Variants in REV3L observed in about 807,000 individuals in gnomAD.
REV3L encodes REV3 like, DNA directed polymerase zeta catalytic subunit, also known as DNA polymerase zeta catalytic subunit.
Under a neutral mutation model 299.4 loss-of-function variants are expected in REV3L, and 69 were observed. The ratio of observed to expected loss-of-function variants is 0.23; its 90% CI spans 0.19 to 0.28. The LOEUF is 0.28. Among genes scored for constraint, REV3L ranks in the 10% least tolerant of loss-of-function variants. The pLI, the probability that REV3L is intolerant of heterozygous loss-of-function variation, is 1.00. For synonymous variants in REV3L, 1,238 were observed against 1,271.4 expected, an observed-to-expected ratio of 0.97 and a Z score of 0.56; for missense variants, 3,128 against 3,693.8, an observed-to-expected ratio of 0.85 and a Z score of 3.97.
chr6:111,309,718 G>A (rs1023595090), intron 30 of REV3L, 135 bp downstream of exon 30: 17 of 938,068 alleles, frequency 1.8e-5, no homozygotes, highest in East Asian at 1.1e-4. Context: ...CCCGCTTTCC[G>A]TATCATTTTA....
At chr6:111,322,510 C>G in intron 26 of REV3L, 59 bp downstream of exon 26, 1 of 1,262,670 alleles carries the variant, frequency 7.9e-7, no homozygotes, top group South Asian at 1.2e-5. Flanking sequence ...CCATTTTAAA[C>G]ACTGAAATGA....
intron 11 of REV3L, 35 bp from the exon 12 acceptor site, chr6:111,377,878 C>G: frequency 6.3e-7 from 1 of 1,575,768 alleles, no homozygotes; most frequent in African/African-American, 1.4e-5. Context: ...TGAGCATGAT[C>G]ATTAGTAAAG....
chr6:111,379,130 T>C (rs796606838), intron 11 of REV3L, among the ~76,000 whole-genome samples: 12 of 152,356 alleles, frequency 7.9e-5, no homozygotes, highest in African/African-American at 2.6e-4. Flanking sequence ...ATAAATTTAA[T>C]CATAGGATTG....
intron 19 of REV3L, among the ~76,000 whole-genome samples, chr6:111,350,502 A>G (rs1273004319): frequency 6.6e-6 from 1 of 152,098 alleles, no homozygotes; most frequent in Admixed American, 6.6e-5. Context: ...ATATACCACT[A>G]TTGCTATCAT....
intron 1 of REV3L, among the ~76,000 whole-genome samples, chr6:111,452,568 G>A (rs1055523035): frequency 6.6e-6 from 1 of 152,132 alleles, no homozygotes; most frequent in Non-Finnish European, 1.5e-5. Flanking sequence ...CCATTTATAA[G>A]AAAGTCTAGA....
At chr6:111,477,047 A>G (rs1366674763) in intron 1 of REV3L, among the ~76,000 whole-genome samples, 2 of 152,328 alleles carry the variant, frequency 1.3e-5, no homozygotes, top group Middle Eastern at 3.4e-3. Flanking sequence ...CACACTTTTA[A>G]TAAGTGACTA....
Position 111,372,906 on chromosome 6 carries a change from A to T in REV3L, c.5449T>A (p.Ser1817Thr), listed in dbSNP as rs954355835. The stretch of plus-strand genomic sequence containing the variant: ...GGGGAGGAGAGTATTGCAGTAAAAG[A>T]GGTATTGGCTGAGTCAAGAGACTGT... ...MGQSLDSANT[S>T]FTAILSSPDG... The change falls in exon 13 of 32, where the codon TCT becomes ACT. Residue 1817 changes from serine to threonine, a missense_variant. This residue lies in a region of REV3L where 2,409 missense variants were observed against 2,611.8 expected (regional missense o/e 0.92). Coordinates refer to ENST00000368802, the MANE Select transcript of REV3L (RefSeq NM_001372078.1). The T allele has an allele frequency of 6.2e-7, 1 of 1,614,052 alleles. No homozygotes were observed. Among genetic ancestry groups the T allele is most frequent in the Non-Finnish European group, 8.5e-7 (1 of 1,179,994 alleles).
At chr6:111,471,794 A>AT (rs749766214) in intron 1 of REV3L, among the ~76,000 whole-genome samples, 1 of 152,190 alleles carries the variant, frequency 6.6e-6, no homozygotes, top group Non-Finnish European at 1.5e-5. Context: ...CACAATATCC[A>AT]TTGTAACAGA....
intron 2 of REV3L, chr6:111,412,043 C>A: frequency 1.0e-6 from 1 of 985,218 alleles, no homozygotes; most frequent in Non-Finnish European, 1.2e-6. Flanking sequence ...TACTTAACAA[C>A]ACTTACATTA....
At chr6:111,483,470 AGCGGAAGGGGCG>A, upstream of REV3L, 2 of 492,966 alleles carry the variant, frequency 4.1e-6, no homozygotes, top group South Asian at 1.9e-5. Flanking sequence ...GGTGAGGGGC[AGCGGAAGGGGCG>A]GCGGAGCACC....
chr6:111,483,241 G>GGA (rs1225412167), upstream of REV3L: 1 of 485,086 alleles, frequency 2.1e-6, no homozygotes, highest in Non-Finnish European at 3.6e-6. Flanking sequence ...TGGGGGGAGG[G>GGA]GAGAGGGGGG....
intron 1 of REV3L, chr6:111,430,435 G>A: frequency 1.3e-6 from 2 of 1,514,536 alleles, no homozygotes; most frequent in East Asian, 2.3e-5. Flanking sequence ...AAACTAATGT[G>A]TACTAATGCC....
intron 10 of REV3L, 131 bp downstream of exon 10, chr6:111,381,194 A>G: frequency 2.3e-6 from 2 of 862,068 alleles, no homozygotes; most frequent in Non-Finnish European, 3.5e-6. Flanking sequence ...TTTCATTTTC[A>G]TATTCAGTAG....
intron 21 of REV3L, among the ~76,000 whole-genome samples, chr6:111,340,611 A>G (rs1006841243): frequency 6.6e-6 from 1 of 152,280 alleles, no homozygotes; most frequent in African/African-American, 2.4e-5. Context: ...TATGTCCTTA[A>G]AACACTGTAG....
At chr6:111,337,689 TTA>T (rs1476988015) in intron 21 of REV3L, among the ~76,000 whole-genome samples, 25 of 152,290 alleles carry the variant, frequency 1.6e-4, no homozygotes, top group Admixed American at 1.3e-3. Flanking sequence ...TTTAAAATTA[TTA>T]TGAGTTTGAT....
At chr6:111,314,862 T>TG (rs2114741847) in intron 27 of REV3L, among the ~76,000 whole-genome samples, 1 of 151,758 alleles carries the variant, frequency 6.6e-6, no homozygotes, top group African/African-American at 2.4e-5. Flanking sequence ...TTTTTTTTTT[T>TG]TTTTTTAGAG....
chr6:111,342,256 T>A (rs570544470), intron 21 of REV3L, among the ~76,000 whole-genome samples: 81 of 152,196 alleles, frequency 5.3e-4, no homozygotes, highest in African/African-American at 1.5e-3. Flanking sequence ...AAGAAAATGC[T>A]ATCTGCCCCA....
intron 1 of REV3L, among the ~76,000 whole-genome samples, chr6:111,442,441 C>T (rs1046929255): frequency 1.3e-5 from 2 of 152,130 alleles, no homozygotes; most frequent in Non-Finnish European, 2.9e-5. Context: ...GTCTACTTTG[C>T]CTGATCTTTA....
At chr6:111,471,961 C>T in intron 1 of REV3L, 1 of 1,069,018 alleles carries the variant, frequency 9.4e-7, no homozygotes, top group Non-Finnish European at 1.2e-6. Flanking sequence ...AATGCCAAGG[C>T]TCACCCCCAC....
Sources: allele counts gnomAD v4.1 joint callset (sites outside exome capture counted in the v4.1 genomes callset), GRCh38; gene constraint gnomAD v4.1.1; regional missense constraint gnomAD v4.1.1; transcripts MANE v1.5; gene names NCBI Gene and HGNC (gene_info 2026-07-23, HGNC 2026-07-21).